The following POGZ variants were observed in gnomAD, a reference collection of about 807,000 sequenced individuals.
The protein encoded by POGZ is pogo transposable element with ZNF domain.
Under a neutral mutation model 134.6 loss-of-function variants are expected in POGZ, and 17 were observed. That is an observed-to-expected ratio of 0.13 (90% CI 0.09 to 0.19). The LOEUF is 0.19. Among genes scored for constraint, POGZ ranks in the 10% least tolerant of loss-of-function variants. POGZ has a pLI of 1.00. For missense variants in POGZ, 1,306 were observed against 1,769.7 expected, an observed-to-expected ratio of 0.74 and a Z score of 4.70; for synonymous variants, 693 against 657.1, an observed-to-expected ratio of 1.05 and a Z score of -0.84.
At chr1:151,455,894 C>CTTTTTT (rs768038263) in intron 1 of POGZ, among the ~76,000 whole-genome samples, 8 of 117,560 alleles carry the variant, frequency 6.8e-5, no homozygotes, top group African/African-American at 2.6e-4. Context: ...TAGTTTCTTT[C>CTTTTTT]TTTTTTTTTT....
chr1:151,407,782 G>T (rs1653916114), intron 15 of POGZ, among the ~76,000 whole-genome samples: 1 of 152,112 alleles, frequency 6.6e-6, no homozygotes, highest in South Asian at 2.1e-4. Context: ...GGCCGAGGCA[G>T]GTGGATCACC....
chr1:151,425,556 CTA>C (rs2102281002), intron 7 of POGZ, among the ~76,000 whole-genome samples: 1 of 152,252 alleles, frequency 6.6e-6, no homozygotes, highest in East Asian at 1.9e-4. Flanking sequence ...AACTTTGTCT[CTA>C]TGAATTTGAC....
At chr1:151,414,738 C>T (rs956441761) in intron 10 of POGZ, among the ~76,000 whole-genome samples, 1 of 152,014 alleles carries the variant, frequency 6.6e-6, no homozygotes, top group African/African-American at 2.4e-5. Context: ...GCCAAGATGG[C>T]GCCACTACAC....
Position 151,435,848 on chromosome 1 carries a change from T to C in POGZ, c.284-5007A>G, listed in dbSNP as rs56204116. ...CAAAAAACCAAACCCAGCTTTGAGA[T>C]ATAATCCACATACTGCCCATTTAAA... On this transcript the variant is annotated intron_variant, in intron 3 of 18. Coordinates refer to ENST00000271715, the MANE Select transcript of POGZ (RefSeq NM_015100.4). Among the ~76,000 whole-genome samples, 1,499 of 152,110 alleles carry C rather than the reference T, an allele frequency of 9.9e-3. 28 individuals carry two copies. The highest frequency in any genetic ancestry group is 0.035 in the African/African-American group (1,441 of 41,492).
Position 151,407,255 on chromosome 1 carries a change from A to T in POGZ, c.2412T>A (p.Ala804=), listed in dbSNP as rs368181502. The T allele has an allele frequency of 3.7e-6, 6 of 1,608,088 alleles. No individual in the cohort carries two copies. The African/African-American group carries it at 8.0e-5, about 22-fold the overall frequency. The change falls in exon 16 of 19, where the codon GCT becomes GCA. Residue 804 remains alanine, a synonymous_variant. Transcript: ENST00000271715. ...CTTACCTCACAGAATTTTTAAACAA[A>T]GCCAAATACTTGGGGCTCTTCCGTG... ...HVPRKSPKYL[A]LFKNSVSGIK... is the part of the protein sequence containing the mutation.
intron 3 of POGZ, among the ~76,000 whole-genome samples, chr1:151,437,170 G>C: frequency 6.6e-6 from 1 of 151,366 alleles, no homozygotes; most frequent in East Asian, 1.9e-4. Flanking sequence ...CTCCAGCCTG[G>C]GCAACAAAGC....
intron 10 of POGZ, among the ~76,000 whole-genome samples, chr1:151,416,617 C>A (rs1342450153): frequency 7.5e-6 from 1 of 132,950 alleles, no homozygotes; most frequent in East Asian, 2.0e-4. Context: ...TGTAATACTA[C>A]TTTTTGGGTT....
intron 7 of POGZ, chr1:151,427,506 T>C: frequency 3.2e-6 from 1 of 314,628 alleles, no homozygotes; most frequent in South Asian, 3.2e-5. Context: ...CCTGAAGATC[T>C]CTCTACCAAA....
rs141822659 is a variant in POGZ at position 151,450,318 on chromosome 1, C to T, written c.-1-8113G>A. Reference sequence around the variant, plus strand: ...AAAGTGCTGGGATTACAAGTATGAGCCACAGCACCCAGCCAGGAACTTGAT... The same window carrying T: ...AAAGTGCTGGGATTACAAGTATGAGTCACAGCACCCAGCCAGGAACTTGAT... On this transcript the variant is annotated intron_variant, in intron 1 of 18. Coordinates refer to ENST00000271715, the MANE Select transcript of POGZ (RefSeq NM_015100.4). 2.0e-5 allele frequency among the ~76,000 whole-genome samples: 3 copies of T among 152,028 alleles called. No homozygotes were observed. In the East Asian group the frequency reaches 5.8e-4, roughly 29 times the overall value.
At chr1:151,425,120 G>T in intron 7 of POGZ, 59 bp from the exon 8 acceptor site, 1 of 896,688 alleles carries the variant, frequency 1.1e-6, no homozygotes, top group South Asian at 1.4e-5. Context: ...AAAGATTACT[G>T]ACCTTTTGGG....
chr1:151,409,212 T>C (rs1654208189), intron 12 of POGZ, among the ~76,000 whole-genome samples: 1 of 152,094 alleles, frequency 6.6e-6, no homozygotes, highest in South Asian at 2.1e-4. Context: ...CATAGTAAAC[T>C]AAAGTCATAC....
chr1:151,405,040 G>A lies in POGZ; in HGVS notation c.3995C>T (p.Pro1332Leu), dbSNP rs1283121876. 3.1e-6 allele frequency: 5 copies of A among 1,614,056 alleles called. No homozygotes were observed. The African/African-American group carries it at 6.7e-5, about 22-fold the overall frequency. The change falls in exon 19 of 19, where the codon CCC becomes CTC. Residue 1332 changes from proline to leucine, a missense_variant. Pro to Leu is a moderately conservative substitution (Grantham distance 98). Coordinates refer to ENST00000271715, the MANE Select transcript of POGZ (RefSeq NM_015100.4). This position sits in a 1 kb window ranked among gnomAD's most constrained non-coding sequence, Gnocchi z 4.9. ...TGTAGGTGAGTTAATGTTGCCATCG[G>A]GGCCAGGCAGAACACTAGCCACCAG... The part of the protein sequence containing the change: ...SFLVASVLPG[P>L]DGNINSPTRN...
At chr1:151,416,100 C>T (rs1017762976) in intron 10 of POGZ, among the ~76,000 whole-genome samples, 5 of 141,938 alleles carry the variant, frequency 3.5e-5, no homozygotes, top group Admixed American at 7.3e-5. Context: ...CCCAGCTACT[C>T]GGGAGGCTGA....
At chr1:151,422,138 T>C (rs1020331096) in intron 10 of POGZ, among the ~76,000 whole-genome samples, 4 of 152,248 alleles carry the variant, frequency 2.6e-5, no homozygotes, top group African/African-American at 9.6e-5. Context: ...CTTTTGATCA[T>C]GCTGTTTTCA....
Position 151,459,264 on chromosome 1 carries a change from T to TG in POGZ, c.-115dup, listed in dbSNP as rs1663224804. 8.2e-6 allele frequency: 1 copy of TG among 122,300 alleles called. No homozygotes were observed. Among genetic ancestry groups the TG allele is most frequent in the African/African-American group, 3.0e-5 (1 of 32,806 alleles). The allele number at this position is 122,300 out of a possible 1,614,324, so 7.6% of individuals were successfully genotyped here. A position where few individuals can be genotyped will look rare whatever the true frequency, so the allele number is the denominator to read the frequency against. ...GGAGCAGGGGGAGGGGACGGGGGCT[T>TG]GGGGGGAGACGAAGAAGAGGTAACC... On this transcript the variant is annotated 5_prime_UTR_variant, in exon 1 of 19. Coordinates refer to ENST00000271715, the MANE Select transcript of POGZ (RefSeq NM_015100.4).
intron 2 of POGZ, among the ~76,000 whole-genome samples, chr1:151,441,347 T>C (rs1462908190): frequency 1.3e-5 from 2 of 152,192 alleles, no homozygotes; most frequent in African/African-American, 4.8e-5. Context: ...TAATCTTTGC[T>C]TACATAGCAC....
In POGZ at chr1:151,408,614, A is replaced by G. The variant is rs771914216; in HGVS notation, c.2062-33T>C. ...CCAAGGGAAGTAACAATGAGACATC[A>G]CCCACACTAAATTTCAGAATACTGA... On this transcript the variant is annotated intron_variant, in intron 13 of 18. Transcript: ENST00000271715. The G allele has an allele frequency of 9.3e-6, 15 of 1,605,540 alleles. No homozygotes were observed. In the East Asian group the frequency reaches 1.3e-4, roughly 14 times the overall value.
At chr1:151,458,405 GGGA>G (rs1332360224) in intron 1 of POGZ, among the ~76,000 whole-genome samples, 1 of 152,072 alleles carries the variant, frequency 6.6e-6, no homozygotes, top group African/African-American at 2.4e-5. Context: ...TGGGGACCGA[GGGA>G]GGAGACTTCG....
intron 10 of POGZ, among the ~76,000 whole-genome samples, chr1:151,415,727 T>C (rs1327514633): frequency 6.7e-6 from 1 of 149,920 alleles, no homozygotes; most frequent in Non-Finnish European, 1.5e-5. Context: ...ATAGCCACTA[T>C]GGAAAACAGG....
Sources: gnomAD v4.1 joint callset for allele counts (sites outside exome capture counted in the v4.1 genomes callset) on GRCh38, gnomAD v4.1.1 for gene constraint, Gnocchi (gnomAD v3.1) non-coding constraint, MANE v1.5 for transcripts, NCBI Gene and HGNC (gene_info 2026-07-23, HGNC 2026-07-21) for gene names.